The following ZNF678 variants were observed in gnomAD, a reference collection of about 807,000 sequenced individuals.
ZNF678 encodes hypothetical protein MGC42493.
Under a neutral mutation model 3.0 loss-of-function variants are expected in ZNF678, and 5 were observed. The observed-to-expected ratio is 1.69, with a 90% CI of 0.88 to 3.56. The LOEUF (loss-of-function observed/expected upper bound fraction) is 3.56. Ranked by LOEUF, ZNF678 falls within the 30% of genes most tolerant of loss-of-function variation. The pLI is 0.00. For synonymous variants in ZNF678, 218 were observed against 199.6 expected (o/e 1.09, Z -0.78); for missense variants, 593 against 605.0 (o/e 0.98, Z 0.21).
chr1:227,572,759 G>A (rs980278187), intron 1 of ZNF678, among the ~76,000 whole-genome samples: 4 of 152,238 alleles, frequency 2.6e-5, no homozygotes, highest in African/African-American at 9.6e-5. Context: ...CCACAGAGAG[G>A]CAATGATTGC....
chr1:227,669,062 G>C (rs369574173), intron 5 of ZNF678, among the ~76,000 whole-genome samples: 30 of 151,516 alleles, frequency 2.0e-4, no homozygotes, highest in Non-Finnish European at 4.1e-4. Flanking sequence ...TTAACAAATG[G>C]GACCTAATTA....
intron 1 of ZNF678, among the ~76,000 whole-genome samples, chr1:227,615,570 C>T (rs1019575066): frequency 2.0e-5 from 3 of 152,174 alleles, no homozygotes; most frequent in African/African-American, 4.8e-5. Flanking sequence ...CAAGCAACTC[C>T]GAACCTACTA....
intron 1 of ZNF678, among the ~76,000 whole-genome samples, chr1:227,599,920 A>G (rs1477337210): frequency 2.0e-5 from 3 of 152,178 alleles, no homozygotes; most frequent in Admixed American, 1.3e-4. Flanking sequence ...TTACCCAGGT[A>G]TTAAGCTTAG....
At chr1:227,582,175 GCA>G (rs35625890) in intron 1 of ZNF678, among the ~76,000 whole-genome samples, 33,277 of 150,564 alleles carry the variant, frequency 0.22, 4,171 homozygotes, top group African/African-American at 0.35. Context: ...ATATACACAC[GCA>G]CACACACACA....
intron 1 of ZNF678, among the ~76,000 whole-genome samples, chr1:227,567,191 T>C (rs1372521134): frequency 6.6e-6 from 1 of 152,262 alleles, no homozygotes; most frequent in Admixed American, 6.5e-5. Flanking sequence ...AAATATTTAA[T>C]TGACGTTTTT....
intron 1 of ZNF678, among the ~76,000 whole-genome samples, chr1:227,587,095 C>T (rs1454465576): frequency 6.6e-6 from 1 of 152,124 alleles, no homozygotes; most frequent in East Asian, 1.9e-4. Flanking sequence ...AAGAGTTCTG[C>T]TCCTAGTTTT....
chr1:227,633,872 C>T (rs1658611208), intron 1 of ZNF678, among the ~76,000 whole-genome samples: 1 of 152,166 alleles, frequency 6.6e-6, no homozygotes, highest in Non-Finnish European at 1.5e-5. Context: ...GCACATGGCC[C>T]ACTGATACAT....
intron 1 of ZNF678, among the ~76,000 whole-genome samples, chr1:227,580,268 C>T (rs1339699632): frequency 6.6e-6 from 1 of 151,912 alleles, no homozygotes; most frequent in Non-Finnish European, 1.5e-5. Context: ...CATCTCAGTC[C>T]CTCTGTGAGA....
chr1:227,646,700 T>A (rs1433766903), intron 2 of ZNF678, 30 bp downstream of exon 2: 17 of 1,358,588 alleles, frequency 1.3e-5, no homozygotes, highest in Non-Finnish European at 1.7e-5. Flanking sequence ...ACAATTTATG[T>A]ATTTCATACT....
intron 1 of ZNF678, among the ~76,000 whole-genome samples, chr1:227,632,143 CTGCCTA>C (rs967888493): frequency 1.3e-5 from 2 of 152,178 alleles, no homozygotes; most frequent in African/African-American, 4.8e-5. Flanking sequence ...TCCCACATAA[CTGCCTA>C]TGTCAAGAGC....
At position 227,574,479 on chromosome 1, in the gene ZNF678, G is replaced by A. The variant is rs114519614; in HGVS notation, c.-164+10755G>A. On this transcript the variant is annotated intron_variant, in intron 1 of 3. Transcript: ENST00000343776. ...TTGCATGGATGTTTTCTTTTGAAAA[G>A]CGTCTGTTCATTTCCTTTGCCCACT... Among the ~76,000 whole-genome samples the A allele has an allele frequency of 4.0e-3, 616 of 152,186 alleles. 5 individuals are homozygous for A. Among genetic ancestry groups the A allele is most frequent in the African/African-American group, 0.014 (568 of 41,540 alleles).
chr1:227,667,896 T>C (rs557158827), intron 5 of ZNF678, among the ~76,000 whole-genome samples: 3 of 152,342 alleles, frequency 2.0e-5, no homozygotes, highest in South Asian at 4.1e-4. Context: ...ATCTAATTTA[T>C]TGAGAAAAGC....
chr1:227,606,675 C>T (rs753121608), intron 1 of ZNF678, among the ~76,000 whole-genome samples: 1 of 151,960 alleles, frequency 6.6e-6, no homozygotes, highest in African/African-American at 2.4e-5. Flanking sequence ...GTCTCAGTGG[C>T]GGGGAAACCT....
intron 1 of ZNF678, among the ~76,000 whole-genome samples, chr1:227,584,629 C>G (rs1034702734): frequency 6.6e-6 from 1 of 152,178 alleles, no homozygotes; most frequent in Non-Finnish European, 1.5e-5. Flanking sequence ...GGTATAGACA[C>G]CACTGCAGTA....
chr1:227,669,661 T>C (rs1316219871), intron 5 of ZNF678, among the ~76,000 whole-genome samples: 2 of 126,322 alleles, frequency 1.6e-5, no homozygotes, highest in African/African-American at 5.9e-5. Flanking sequence ...AAAAAAAAAA[T>C]ACCATCTCCC....
chr1:227,631,724 A>G (rs1307654295), intron 1 of ZNF678, among the ~76,000 whole-genome samples: 1 of 152,164 alleles, frequency 6.6e-6, no homozygotes, highest in African/African-American at 2.4e-5. Context: ...GAATGAGGAG[A>G]AAAAGATGGG....
chr1:227,582,840 A>G (rs41305118), intron 1 of ZNF678, among the ~76,000 whole-genome samples: 3,012 of 152,312 alleles, frequency 0.02, 41 homozygotes, highest in Non-Finnish European at 0.029. Context: ...AGTATAAGAC[A>G]TTATTTACTT....
At position 227,657,641 on chromosome 1, in the gene ZNF678, G is replaced by A. The variant is rs1659284672; in HGVS notation, c.*1813G>A. The A allele has an allele frequency of 6.6e-6, 1 of 151,908 alleles. No homozygotes were observed. The highest frequency in any genetic ancestry group is 1.5e-5 in the Non-Finnish European group (1 of 67,892). 9.4% of individuals were successfully genotyped at this position (151,908 alleles called of 1,614,324 possible). ...CTGTAAAAACACATACATACATTTA[G>A]TTTTGATTAACATGGAGTTAATTTT... On this transcript the variant is annotated 3_prime_UTR_variant, in exon 4 of 4. Coordinates refer to ENST00000343776, the MANE Select transcript of ZNF678 (RefSeq NM_001367909.1).
intron 1 of ZNF678, among the ~76,000 whole-genome samples, chr1:227,603,481 C>G (rs890690387): frequency 1.7e-4 from 26 of 152,156 alleles, no homozygotes; most frequent in African/African-American, 6.0e-4. Flanking sequence ...TGACTTGGGA[C>G]AGTGTACTTG....
Sources: gnomAD v4.1 joint callset for allele counts (sites outside exome capture counted in the v4.1 genomes callset) on GRCh38, gnomAD v4.1.1 for gene constraint, MANE v1.5 for transcripts, NCBI Gene and HGNC (gene_info 2026-07-23, HGNC 2026-07-21) for gene names.